Variants in PEBP4 observed in about 807,000 individuals in gnomAD.
PEBP4 encodes phosphatidylethanolamine-binding protein 4.
In PEBP4, 22 loss-of-function variants were observed where a neutral mutation model predicts 23.9. That is an observed-to-expected ratio of 0.92 (90% confidence interval 0.66 to 1.31). The LOEUF is 1.31. Ranked by LOEUF, PEBP4 falls within the 40% of genes most tolerant of loss-of-function variation. The probability of loss-of-function intolerance (pLI) is 0.00; values close to 1 mark genes in which losing one functional copy is unlikely to be tolerated. For synonymous variants in PEBP4, 112 were observed against 99.3 expected, an observed-to-expected ratio of 1.13 and a Z score of -0.76; for missense variants, 324 against 281.7, an observed-to-expected ratio of 1.15 and a Z score of -1.07.
chr8:22,772,336 A>G (rs889058454), intron 4 of PEBP4, among the ~76,000 whole-genome samples: 1 of 152,210 alleles, frequency 6.6e-6, no homozygotes, highest in Non-Finnish European at 1.5e-5. Flanking sequence ...AATTCTGCAT[A>G]TGCAAAGGCA....
At chr8:22,778,022 T>C (rs1805848838) in intron 4 of PEBP4, among the ~76,000 whole-genome samples, 1 of 152,106 alleles carries the variant, frequency 6.6e-6, no homozygotes, top group South Asian at 2.1e-4. Flanking sequence ...CCCACAACGA[T>C]GGGACCCGCG....
chr8:22,729,785 G>A (rs949118530), intron 4 of PEBP4, among the ~76,000 whole-genome samples: 1 of 152,202 alleles, frequency 6.6e-6, no homozygotes, highest in African/African-American at 2.4e-5. Context: ...AACGGGGGAG[G>A]ACCTGGTGGA....
intron 4 of PEBP4, among the ~76,000 whole-genome samples, chr8:22,772,163 C>T (rs909213690): frequency 6.6e-6 from 1 of 152,196 alleles, no homozygotes; most frequent in African/African-American, 2.4e-5. Context: ...CACAATAAAT[C>T]TACAAAGAAG....
At chr8:22,933,956 T>C (rs1427823885) in intron 1 of PEBP4, among the ~76,000 whole-genome samples, 1 of 152,108 alleles carries the variant, frequency 6.6e-6, no homozygotes, top group Non-Finnish European at 1.5e-5. Context: ...TTCCCACTCA[T>C]TTTAGAAGGG....
intron 3 of PEBP4, among the ~76,000 whole-genome samples, chr8:22,830,836 T>C (rs1050923894): frequency 1.3e-5 from 2 of 152,202 alleles, no homozygotes; most frequent in South Asian, 2.1e-4. Context: ...GCTACTGGAA[T>C]AGCCTCCTAA....
intron 3 of PEBP4, among the ~76,000 whole-genome samples, chr8:22,882,928 G>T: frequency 6.6e-6 from 1 of 152,118 alleles, no homozygotes; most frequent in Non-Finnish European, 1.5e-5. Flanking sequence ...TACCCCACCT[G>T]TTCCTCCCAC....
chr8:22,912,890 G>C (rs1289370977), intron 3 of PEBP4, among the ~76,000 whole-genome samples: 2 of 152,118 alleles, frequency 1.3e-5, no homozygotes, highest in Non-Finnish European at 2.9e-5. Context: ...TCCTTGCCTG[G>C]GTGCTGCGCG....
chr8:22,770,207 A>T (rs992923146), intron 4 of PEBP4, among the ~76,000 whole-genome samples: 1 of 152,144 alleles, frequency 6.6e-6, no homozygotes, highest in Non-Finnish European at 1.5e-5. Flanking sequence ...GGGCAGAGGA[A>T]GCTCTGGGAC....
At chr8:22,812,316 G>A (rs1275993457) in intron 4 of PEBP4, among the ~76,000 whole-genome samples, 1 of 152,180 alleles carries the variant, frequency 6.6e-6, no homozygotes, top group Non-Finnish European at 1.5e-5. Flanking sequence ...TGTACTTAGA[G>A]GTCCTTCCCA....
At chr8:22,763,927 G>A (rs1210169661) in intron 4 of PEBP4, among the ~76,000 whole-genome samples, 2 of 152,204 alleles carry the variant, frequency 1.3e-5, no homozygotes, top group African/African-American at 4.8e-5. Context: ...AGAGAGCCAT[G>A]AAGAAGACCT....
At chr8:22,889,083 C>T (rs1248177601) in intron 3 of PEBP4, among the ~76,000 whole-genome samples, 2 of 152,356 alleles carry the variant, frequency 1.3e-5, no homozygotes, top group African/African-American at 4.8e-5. Context: ...ATTCCCATAG[C>T]ACCAGGCTTA....
intron 3 of PEBP4, among the ~76,000 whole-genome samples, chr8:22,872,057 T>C (rs989606614): frequency 5.3e-5 from 8 of 152,244 alleles, no homozygotes; most frequent in Non-Finnish European, 8.8e-5. Context: ...GTTATTTCAC[T>C]TAGAATAATG....
At chr8:22,879,093 C>T (rs2128771834) in intron 3 of PEBP4, among the ~76,000 whole-genome samples, 1 of 152,284 alleles carries the variant, frequency 6.6e-6, no homozygotes, top group South Asian at 2.1e-4. Flanking sequence ...CATCTCAGAG[C>T]CCACTCACAG....
At chr8:22,915,926 G>A (rs745634854) in intron 3 of PEBP4, among the ~76,000 whole-genome samples, 6 of 152,228 alleles carry the variant, frequency 3.9e-5, no homozygotes, top group Non-Finnish European at 8.8e-5. Context: ...GAGAGTTCCA[G>A]GCCTCTAGAA....
At chr8:22,847,030 A>T (rs1468692251) in intron 3 of PEBP4, among the ~76,000 whole-genome samples, 1 of 152,044 alleles carries the variant, frequency 6.6e-6, no homozygotes, top group East Asian at 1.9e-4. Flanking sequence ...AAAAAAGGGG[A>T]TCCTGGTAAA....
In PEBP4 at chr8:22,840,242, C is replaced by T. The variant is rs80226031; in HGVS notation, c.259-22507G>A. On this transcript the variant is annotated intron_variant, in intron 3 of 6. Coordinates refer to ENST00000256404, the MANE Select transcript of PEBP4 (RefSeq NM_144962.3). ...TCATATTACCCTCTAAACTGAGCATCGTGGCCTAGATTTTCCTTGAAACTA... is the reference window on the plus strand; with the variant it reads ...TCATATTACCCTCTAAACTGAGCATTGTGGCCTAGATTTTCCTTGAAACTA... Among the ~76,000 whole-genome samples the T allele has an allele frequency of 4.1e-3, 629 of 152,234 alleles. 2 individuals carry two copies. The highest frequency in any genetic ancestry group is 0.016 in the South Asian group (77 of 4,820).
intron 4 of PEBP4, among the ~76,000 whole-genome samples, chr8:22,738,782 T>C (rs1804925930): frequency 6.6e-6 from 1 of 152,096 alleles, no homozygotes; most frequent in African/African-American, 2.4e-5. Flanking sequence ...CTCACACACA[T>C]GCTGTCACAC....
intron 4 of PEBP4, among the ~76,000 whole-genome samples, chr8:22,770,408 T>C (rs886147228): frequency 3.9e-5 from 6 of 152,246 alleles, no homozygotes; most frequent in African/African-American, 1.4e-4. Context: ...TCTCAAATGC[T>C]GTGTGTTCGA....
chr8:22,789,405 T>A (rs4872013), intron 4 of PEBP4, among the ~76,000 whole-genome samples: 55,622 of 151,750 alleles, frequency 0.37, 10,563 homozygotes, highest in Middle Eastern at 0.47. Context: ...GAGATGGGGG[T>A]GGGTGCCAGC....
Sources: gnomAD v4.1 joint callset for allele counts (sites outside exome capture counted in the v4.1 genomes callset) on GRCh38, gnomAD v4.1.1 for gene constraint, MANE v1.5 for transcripts, NCBI Gene and HGNC (gene_info 2026-07-23, HGNC 2026-07-21) for gene names.